Variants in WIPF2 observed in about 807,000 individuals in gnomAD.
WIPF2 encodes WAS/WASL interacting protein family member 2, also known as WAS/WASL-interacting protein family member 2.
In WIPF2, 23 loss-of-function variants were observed where a neutral mutation model predicts 38.8. That is an observed-to-expected ratio of 0.59 (90% CI 0.43 to 0.84). The LOEUF is 0.84. WIPF2 is among the 40% of genes least tolerant of loss of function. WIPF2 has a pLI of 0.00. For synonymous variants in WIPF2, 210 were observed against 223.2 expected, an observed-to-expected ratio of 0.94 and a Z score of 0.53; for missense variants, 574 against 580.5, an observed-to-expected ratio of 0.99 and a Z score of 0.11.
At chr17:40,270,276 G>A (rs1173575135) in intron 5 of WIPF2, among the ~76,000 whole-genome samples, 1 of 151,242 alleles carries the variant, frequency 6.6e-6, no homozygotes, top group Non-Finnish European at 1.5e-5. Context: ...TGAGGCAGGA[G>A]AGTGGCATGA....
At chr17:40,254,762 C>T (rs532473893) in intron 1 of WIPF2, among the ~76,000 whole-genome samples, 42 of 151,342 alleles carry the variant, frequency 2.8e-4, no homozygotes, top group African/African-American at 9.7e-4. Flanking sequence ...GACAGAGTTT[C>T]GCTCTGTTGC....
chr17:40,268,555 T>C (rs2032157553), intron 5 of WIPF2, among the ~76,000 whole-genome samples: 1 of 152,172 alleles, frequency 6.6e-6, no homozygotes, highest in African/African-American at 2.4e-5. Flanking sequence ...CTGTGGTAGC[T>C]AGGACTACAG....
intron 1 of WIPF2, among the ~76,000 whole-genome samples, chr17:40,248,496 C>T (rs2031449807): frequency 1.3e-5 from 2 of 152,084 alleles, no homozygotes; most frequent in Admixed American, 6.6e-5. Flanking sequence ...TAAATAGAGA[C>T]AAGGTCTCAC....
chr17:40,236,607 CTTTTT>C (rs56250344), intron 1 of WIPF2, among the ~76,000 whole-genome samples: 8 of 133,500 alleles, frequency 6.0e-5, no homozygotes, highest in African/African-American at 2.2e-4. Flanking sequence ...CACTCAGCCT[CTTTTT>C]TTTTTTTTTT....
intron 2 of WIPF2, among the ~76,000 whole-genome samples, chr17:40,257,222 C>T (rs1420654976): frequency 6.6e-6 from 1 of 152,072 alleles, no homozygotes; most frequent in Non-Finnish European, 1.5e-5. Flanking sequence ...TGTGATCCTC[C>T]TGCCTTGGCC....
intron 5 of WIPF2, among the ~76,000 whole-genome samples, chr17:40,267,426 C>T (rs567449560): frequency 3.9e-5 from 6 of 152,086 alleles, no homozygotes; most frequent in Admixed American, 6.6e-5. Context: ...TGAGGGAGAC[C>T]GTGACAGCTC....
chr17:40,255,258 G>T (rs945180061), intron 1 of WIPF2, among the ~76,000 whole-genome samples: 3 of 152,108 alleles, frequency 2.0e-5, no homozygotes, highest in Non-Finnish European at 4.4e-5. Context: ...TGAGGCTGAA[G>T]TGAGATGATT....
At chr17:40,239,590 A>G (rs932947383) in intron 1 of WIPF2, among the ~76,000 whole-genome samples, 30 of 151,326 alleles carry the variant, frequency 2.0e-4, no homozygotes, top group Admixed American at 4.0e-4. Flanking sequence ...GAGGTAGGAG[A>G]GGTCTCACCG....
chr17:40,222,957 T>C (rs2030317068), intron 1 of WIPF2, among the ~76,000 whole-genome samples: 2 of 149,412 alleles, frequency 1.3e-5, no homozygotes, highest in South Asian at 4.2e-4. Flanking sequence ...AGGCATGAGC[T>C]ACCACACCTG....
intron 3 of WIPF2, among the ~76,000 whole-genome samples, chr17:40,261,273 C>G (rs1181845188): frequency 6.6e-6 from 1 of 151,980 alleles, no homozygotes; most frequent in Non-Finnish European, 1.5e-5. Flanking sequence ...AGAGAAGAGC[C>G]CAGATAACTA....
At chr17:40,274,564 A>T (rs1292333654) in intron 6 of WIPF2, among the ~76,000 whole-genome samples, 1 of 130,114 alleles carries the variant, frequency 7.7e-6, no homozygotes, top group East Asian at 2.5e-4. Context: ...CTTGAAAAAA[A>T]AAAAAAAAAA....
chr17:40,230,860 C>T (rs1182823723), intron 1 of WIPF2, among the ~76,000 whole-genome samples: 1 of 152,254 alleles, frequency 6.6e-6, no homozygotes, highest in East Asian at 1.9e-4. Flanking sequence ...TACTGTCATA[C>T]CCATCATCTA....
At chr17:40,237,896 CAA>C (rs758183706) in intron 1 of WIPF2, among the ~76,000 whole-genome samples, 12 of 105,978 alleles carry the variant, frequency 1.1e-4, no homozygotes, top group Admixed American at 2.0e-4. Flanking sequence ...ACTAAAATAC[CAA>C]AAAAAAAAAA....
At position 40,257,302 on chromosome 17, in the gene WIPF2, G is replaced by C. The variant is rs796363580; in HGVS notation, c.63+780G>C. 2.0e-5 allele frequency among the ~76,000 whole-genome samples: 3 copies of C among 151,938 alleles called. No individual in the cohort carries two copies. The South Asian group carries it at 6.2e-4, about 32-fold the overall frequency. On this transcript the variant is annotated intron_variant, in intron 2 of 7. Transcript: ENST00000323571. ...TGAGGATTCTTAGTGGTTGTTTCTT[G>C]CTACCACTTCATCATCTCTTCTATT...
At chr17:40,273,246 G>T (rs1354747466) in intron 5 of WIPF2, among the ~76,000 whole-genome samples, 1 of 152,078 alleles carries the variant, frequency 6.6e-6, no homozygotes, top group Non-Finnish European at 1.5e-5. Flanking sequence ...TGTTGCCCAG[G>T]CTGGTCTCCA....
chr17:40,243,670 CA>C (rs2031266726), intron 1 of WIPF2, among the ~76,000 whole-genome samples: 3 of 151,902 alleles, frequency 2.0e-5, no homozygotes, highest in Non-Finnish European at 4.4e-5. Flanking sequence ...TACGCCACCA[CA>C]CCCGGCTAAT....
chr17:40,260,639 T>A lies in WIPF2; in HGVS notation c.168T>A (p.Ile56=). The change falls in exon 3 of 8, where the codon ATT becomes ATA. Residue 56 remains isoleucine (I), a synonymous_variant. Transcript: ENST00000323571. ...KGTKLKKVTN[I]NDRSAPILEK... The stretch of plus-strand genomic sequence containing the variant: ...CCAAGCTGAAGAAGGTGACCAACAT[T>A]AATGATCGGAGTGCTCCCATCCTCG... 1 of 1,613,876 alleles carries A rather than the reference T, an allele frequency of 6.2e-7. No individual in the cohort carries two copies. The highest frequency in any genetic ancestry group is 8.5e-7 in the Non-Finnish European group (1 of 1,179,978).
intron 1 of WIPF2, chr17:40,220,587 AT>A (rs2030151645): frequency 1.5e-5 from 1 of 64,638 alleles, no homozygotes. Flanking sequence ...ATATATATAT[AT>A]ATATATATAT....
intron 1 of WIPF2, among the ~76,000 whole-genome samples, chr17:40,244,563 A>C (rs1324180792): frequency 3.3e-5 from 5 of 152,174 alleles, no homozygotes; most frequent in Non-Finnish European, 5.9e-5. Context: ...CTGTGGGATT[A>C]ATGAGATAAC....
Sources: gnomAD v4.1 joint callset for allele counts (sites outside exome capture counted in the v4.1 genomes callset) on GRCh38, gnomAD v4.1.1 for gene constraint, MANE v1.5 for transcripts, NCBI Gene and HGNC (gene_info 2026-07-23, HGNC 2026-07-21) for gene names.